Variants in IGSF11 observed in about 807,000 individuals in gnomAD.
IGSF11 encodes immunoglobulin superfamily member 11, also known as CXADR like 1.
A neutral mutation model predicts 41.0 loss-of-function variants in IGSF11; 22 were observed. The observed-to-expected ratio is 0.54, with a 90% CI of 0.38 to 0.77. IGSF11 has a LOEUF of 0.77. Among genes scored for constraint, IGSF11 ranks in the 30% least tolerant of loss-of-function variants. The pLI is 0.00. For synonymous variants in IGSF11, 219 were observed against 201.3 expected (o/e 1.09, Z -0.74); for missense variants, 444 against 530.8 (o/e 0.84, Z 1.61).
intron 1 of IGSF11, among the ~76,000 whole-genome samples, chr3:119,137,971 T>G (rs1668062502): frequency 6.6e-6 from 1 of 152,106 alleles, no homozygotes; most frequent in Non-Finnish European, 1.5e-5. Flanking sequence ...ACAACATCAT[T>G]GATCATCAGA....
intron 3 of IGSF11, among the ~76,000 whole-genome samples, chr3:118,926,882 T>C (rs767530502): frequency 5.9e-5 from 9 of 152,180 alleles, no homozygotes; most frequent in Non-Finnish European, 1.0e-4. Flanking sequence ...GGTGGTGATA[T>C]ATAGTAACAA....
Position 118,901,374 on chromosome 3 carries a change from C to G in IGSF11, c.*1146G>C, listed in dbSNP as rs543487633. 8.5e-5 allele frequency: 13 copies of G among 152,094 alleles called. No individual in the cohort carries two copies. Among genetic ancestry groups the G allele is most frequent in the Non-Finnish European group, 1.6e-4 (11 of 68,022 alleles). 9.4% of individuals were successfully genotyped at this position (152,094 alleles called of 1,614,324 possible). A position where few individuals can be genotyped will look rare whatever the true frequency, so the allele number is the denominator to read the frequency against. ...CCAGGAGCACACCAGAAGATAACAC[C>G]TTTAGTCTCAGTCTTACCTCTTTTG... On this transcript the variant is annotated 3_prime_UTR_variant, in exon 7 of 7. Transcript: ENST00000393775.
intron 1 of IGSF11, among the ~76,000 whole-genome samples, chr3:118,966,263 A>G (rs1945668189): frequency 6.6e-6 from 1 of 152,198 alleles, no homozygotes; most frequent in Non-Finnish European, 1.5e-5. Context: ...GATCTTCACA[A>G]ATGCCCCTAA....
intron 1 of IGSF11, among the ~76,000 whole-genome samples, chr3:119,114,416 T>C (rs1050851684): frequency 6.6e-6 from 1 of 152,220 alleles, no homozygotes; most frequent in African/African-American, 2.4e-5. Flanking sequence ...TTTTGTCACT[T>C]AGAAATTTCT....
chr3:119,044,113 G>A (rs1417482129), intron 1 of IGSF11, among the ~76,000 whole-genome samples: 1 of 152,110 alleles, frequency 6.6e-6, no homozygotes, highest in Non-Finnish European at 1.5e-5. Flanking sequence ...AGCTACTCAA[G>A]GAGGCACAAG....
At chr3:118,941,221 A>C (rs568207459) in intron 1 of IGSF11, among the ~76,000 whole-genome samples, 77 of 152,246 alleles carry the variant, frequency 5.1e-4, no homozygotes, top group African/African-American at 1.8e-3. Context: ...GGTTGGGAAA[A>C]AATATTTTCA....
At chr3:119,054,958 C>T (rs1941767762) in intron 1 of IGSF11, among the ~76,000 whole-genome samples, 1 of 152,124 alleles carries the variant, frequency 6.6e-6, no homozygotes, top group African/African-American at 2.4e-5. Context: ...CTCACACGGC[C>T]AGGTACTCCT....
chr3:119,009,245 C>T (rs561208269), intron 1 of IGSF11, among the ~76,000 whole-genome samples: 6 of 151,256 alleles, frequency 4.0e-5, no homozygotes, highest in Non-Finnish European at 8.8e-5. Flanking sequence ...TCCCATCTTG[C>T]ATAAAGCCCT....
chr3:119,111,678 A>C (rs1225896299), intron 1 of IGSF11, among the ~76,000 whole-genome samples: 5 of 152,116 alleles, frequency 3.3e-5, no homozygotes, highest in Non-Finnish European at 7.4e-5. Context: ...TGCTTTTTAG[A>C]GTTTCCAGTT....
chr3:119,109,700 C>G (rs1390559695), upstream of IGSF11, among the ~76,000 whole-genome samples: 3 of 152,092 alleles, frequency 2.0e-5, no homozygotes, highest in Non-Finnish European at 1.5e-5. Context: ...AATTTTGGAT[C>G]TTTCCTGCTT....
chr3:119,104,047 A>G (rs1240597516), intron 1 of IGSF11, among the ~76,000 whole-genome samples: 2 of 152,176 alleles, frequency 1.3e-5, no homozygotes, highest in African/African-American at 4.8e-5. Context: ...GATTTCTGAG[A>G]GAATAGGAGG....
At chr3:119,023,610 T>C (rs746157933) in intron 1 of IGSF11, among the ~76,000 whole-genome samples, 2 of 152,166 alleles carry the variant, frequency 1.3e-5, no homozygotes, top group Non-Finnish European at 2.9e-5. Context: ...AGTGCATTTG[T>C]CTAATTAACA....
intron 1 of IGSF11, among the ~76,000 whole-genome samples, chr3:119,080,891 A>C (rs1162883541): frequency 6.6e-6 from 1 of 152,190 alleles, no homozygotes; most frequent in Non-Finnish European, 1.5e-5. Context: ...CCCACAAATC[A>C]AAAAATCTAT....
intron 1 of IGSF11, among the ~76,000 whole-genome samples, chr3:119,135,523 A>G (rs2077549046): frequency 6.6e-6 from 1 of 152,226 alleles, no homozygotes; most frequent in South Asian, 2.1e-4. Context: ...ATATCATCTC[A>G]CGCAGGTTAG....
At chr3:119,099,026 T>C (rs190372807) in intron 1 of IGSF11, among the ~76,000 whole-genome samples, 12 of 152,350 alleles carry the variant, frequency 7.9e-5, no homozygotes, top group Admixed American at 7.2e-4. Flanking sequence ...GTTTCACTTT[T>C]TAAAATATGC....
chr3:118,916,906 T>A (rs1325074688), intron 4 of IGSF11, among the ~76,000 whole-genome samples: 4 of 151,794 alleles, frequency 2.6e-5, no homozygotes, highest in African/African-American at 9.7e-5. Context: ...TAACAAACTG[T>A]CTCTCAGACC....
At position 119,078,447 on chromosome 3, in the gene IGSF11, C is replaced by T. The variant is rs979612624; in HGVS notation, c.49+26697G>A. Among the ~76,000 whole-genome samples the T allele has an allele frequency of 3.3e-5, 5 of 152,206 alleles. No homozygotes were observed. In the East Asian group the frequency reaches 5.8e-4, roughly 18 times the overall value. On this transcript the variant is annotated intron_variant, in intron 1 of 6. Coordinates refer to the IGSF11 transcript ENST00000354673. ...ACAACTGTCTAATCTTTGACAAAGT[C>T]GACAACAAGCAATGGGGAAAGGACT... is the stretch of plus-strand genomic sequence containing the variant.
intron 1 of IGSF11, among the ~76,000 whole-genome samples, chr3:119,145,632 T>C (rs774212480): frequency 1.3e-5 from 2 of 152,202 alleles, no homozygotes; most frequent in Non-Finnish European, 2.9e-5. Context: ...ACAGATCACA[T>C]GTCTAATCCA....
intron 1 of IGSF11, among the ~76,000 whole-genome samples, chr3:118,994,771 G>C (rs116358192): frequency 2.6e-5 from 4 of 152,280 alleles, no homozygotes; most frequent in Admixed American, 2.6e-4. Flanking sequence ...GCAAACTACA[G>C]GAATAAGCAT....
Sources: allele counts gnomAD v4.1 joint callset (sites outside exome capture counted in the v4.1 genomes callset), GRCh38; gene constraint gnomAD v4.1.1; transcripts MANE v1.5; gene names NCBI Gene and HGNC (gene_info 2026-07-23, HGNC 2026-07-21).